TRIO: variants seen among roughly 807,000 people sequenced by gnomAD.
TRIO encodes trio Rho guanine nucleotide exchange factor, also known as triple functional domain protein.
A neutral mutation model predicts 351.9 loss-of-function variants in TRIO; 58 were observed. The observed-to-expected ratio is 0.16, with a 90% CI of 0.13 to 0.21. TRIO has a LOEUF of 0.21. Among genes scored for constraint, TRIO ranks in the 10% least tolerant of loss-of-function variants. The pLI, the probability that TRIO is intolerant of heterozygous loss-of-function variation, is 1.00. For missense variants in TRIO, 3,201 were observed against 4,027.8 expected, an observed-to-expected ratio of 0.79 and a Z score of 5.56; for synonymous variants, 1,758 against 1,595.7, an observed-to-expected ratio of 1.10 and a Z score of -2.42.
chr5:14,399,502 A>G (rs945351478), intron 30 of TRIO: 1 of 190,156 alleles, frequency 5.3e-6, no homozygotes, highest in Non-Finnish European at 1.1e-5. Context: ...TATGAAATAT[A>G]AGTGCATGAG....
At chr5:14,495,537 C>G (rs1756816181) in intron 49 of TRIO, among the ~76,000 whole-genome samples, 1 of 151,560 alleles carries the variant, frequency 6.6e-6, no homozygotes, top group Non-Finnish European at 1.5e-5. Context: ...ATTGCCCCAG[C>G]CAGGCCAGGC....
intron 1 of TRIO, among the ~76,000 whole-genome samples, chr5:14,220,417 T>TGG (rs1792540693): frequency 6.6e-6 from 1 of 152,138 alleles, no homozygotes; most frequent in South Asian, 2.1e-4. Flanking sequence ...AGTTAATAAA[T>TGG]CCAACTATGG....
chr5:14,369,315 G>A (rs1446491472), intron 17 of TRIO, 59 bp from the exon 18 acceptor site: 2 of 1,536,888 alleles, frequency 1.3e-6, no homozygotes, highest in Non-Finnish European at 1.8e-6. Flanking sequence ...GGCTTTCCAG[G>A]GATACCAGTC....
At chr5:14,192,429 C>T (rs1343185195) in intron 1 of TRIO, among the ~76,000 whole-genome samples, 1 of 151,902 alleles carries the variant, frequency 6.6e-6, no homozygotes, top group Non-Finnish European at 1.5e-5. Flanking sequence ...AGTGGATGCA[C>T]GCCCAGGTAA....
chr5:14,246,700 T>G (rs950399531), intron 1 of TRIO, among the ~76,000 whole-genome samples: 1 of 152,200 alleles, frequency 6.6e-6, no homozygotes, highest in African/African-American at 2.4e-5. Context: ...CTGTTCCCTG[T>G]GGCTTCTCCA....
intron 20 of TRIO, among the ~76,000 whole-genome samples, chr5:14,378,883 A>G (rs986875435): frequency 3.3e-5 from 5 of 152,184 alleles, no homozygotes; most frequent in Non-Finnish European, 7.4e-5. Context: ...AATTTAGTAT[A>G]GTCAAAAAGT....
intron 11 of TRIO, among the ~76,000 whole-genome samples, chr5:14,350,409 A>AT (rs753974213): frequency 1.3e-5 from 2 of 152,138 alleles, no homozygotes; most frequent in Non-Finnish European, 2.9e-5. Flanking sequence ...TGGAAAGAAA[A>AT]TAAAAAAAAC....
rs1007287399 is a variant in TRIO at position 14,409,937 on chromosome 5, G to A, written c.4959+3265G>A. Among the ~76,000 whole-genome samples the A allele has an allele frequency of 5.7e-4, 87 of 151,390 alleles. 1 individual carries two copies. The highest frequency in any genetic ancestry group is 4.5e-3 in the Admixed American group (68 of 15,228). ...GGGAGGCTCTTTCTTACTGAGGACC[G>A]CAGCCTGCCACGCAGCAACACTCAC... On this transcript the variant is annotated intron_variant, in intron 33 of 56. Transcript: ENST00000344204.
At chr5:14,409,972 C>G (rs1749060237) in intron 33 of TRIO, among the ~76,000 whole-genome samples, 1 of 152,162 alleles carries the variant, frequency 6.6e-6, no homozygotes, top group African/African-American at 2.4e-5. Context: ...CCCTGGTATT[C>G]TCATGGTTAA....
At chr5:14,208,079 A>C (rs192134941) in intron 1 of TRIO, among the ~76,000 whole-genome samples, 3 of 152,366 alleles carry the variant, frequency 2.0e-5, no homozygotes, top group Admixed American at 2.0e-4. Context: ...TTGTACAGTC[A>C]GTTTGGAAAA....
intron 34 of TRIO, among the ~76,000 whole-genome samples, chr5:14,430,684 GTTTTA>G (rs375606260): frequency 0.015 from 1,459 of 94,386 alleles, 21 homozygotes; most frequent in African/African-American, 0.034. Flanking sequence ...AGTGAATTTC[GTTTTA>G]TTTTATTTTA....
Position 14,448,674 on chromosome 5 carries a change from G to C in TRIO, c.5204-12345G>C, listed in dbSNP as rs556477805. On this transcript the variant is annotated intron_variant, in intron 34 of 56. Transcript: ENST00000344204. ...GCCATGTGGACTGCGCGTTAGGAGC[G>C]GGGCAGAAAGCTGCTGGGCATGGAT... Among the ~76,000 whole-genome samples, 6 of 152,346 alleles carry C rather than the reference G, an allele frequency of 3.9e-5. 1 individual carries two copies. The South Asian group carries it at 8.3e-4, about 21-fold the overall frequency.
intron 31 of TRIO, 93 bp downstream of exon 31, chr5:14,401,157 T>A: frequency 9.5e-7 from 1 of 1,048,782 alleles, no homozygotes; most frequent in Non-Finnish European, 1.4e-6. Flanking sequence ...TATTATTATT[T>A]GTTGTTGTTG....
At chr5:14,159,968 C>T (rs964258745) in intron 1 of TRIO, among the ~76,000 whole-genome samples, 1 of 152,180 alleles carries the variant, frequency 6.6e-6, no homozygotes, top group Non-Finnish European at 1.5e-5. Context: ...CATTAATTTG[C>T]ATAAAATCGC....
chr5:14,272,325 G>T (rs556722387), intron 2 of TRIO, among the ~76,000 whole-genome samples: 2 of 152,270 alleles, frequency 1.3e-5, no homozygotes, highest in African/African-American at 4.8e-5. Context: ...AACCCCTCTT[G>T]TGTTTCTGAA....
chr5:14,311,031 G>A (rs1024242446), intron 8 of TRIO, among the ~76,000 whole-genome samples: 1 of 152,222 alleles, frequency 6.6e-6, no homozygotes, highest in African/African-American at 2.4e-5. Flanking sequence ...AGATCGCAGT[G>A]TTGCTGTAGC....
chr5:14,338,317 C>T (rs569218492), intron 11 of TRIO, among the ~76,000 whole-genome samples: 3 of 152,314 alleles, frequency 2.0e-5, no homozygotes, highest in Admixed American at 6.5e-5. Flanking sequence ...ACATAGACCA[C>T]GTTTTTCCTT....
At chr5:14,433,228 A>G (rs915512821) in intron 34 of TRIO, among the ~76,000 whole-genome samples, 4 of 152,226 alleles carry the variant, frequency 2.6e-5, no homozygotes, top group African/African-American at 4.8e-5. Flanking sequence ...AAAGGAGCCT[A>G]TCGAATTCTT....
intron 1 of TRIO, among the ~76,000 whole-genome samples, chr5:14,190,149 A>G (rs2152147670): frequency 6.6e-6 from 1 of 152,252 alleles, no homozygotes; most frequent in Middle Eastern, 3.4e-3. Context: ...AGTAGAGGCT[A>G]CTAGTTTTTG....
Sources: gnomAD v4.1 joint callset for allele counts (sites outside exome capture counted in the v4.1 genomes callset) on GRCh38, gnomAD v4.1.1 for gene constraint, MANE v1.5 for transcripts, NCBI Gene and HGNC (gene_info 2026-07-23, HGNC 2026-07-21) for gene names.